AGRN: variants seen among roughly 807,000 people sequenced by gnomAD.
AGRN encodes agrin.
Under a neutral mutation model 211.0 loss-of-function variants are expected in AGRN, and 106 were observed. The ratio of observed to expected loss-of-function variants is 0.50; its 90% CI spans 0.43 to 0.59. The LOEUF (loss-of-function observed/expected upper bound fraction) is 0.59. AGRN is among the 20% of genes least tolerant of loss of function. AGRN has a pLI of 0.00. For missense variants in AGRN, 3,040 were observed against 2,982.6 expected, an observed-to-expected ratio of 1.02 and a Z score of -0.45; for synonymous variants, 1,525 against 1,332.5, an observed-to-expected ratio of 1.14 and a Z score of -3.15.
intron 3 of AGRN, 37 bp downstream of exon 3, chr1:1,035,361 G>A: frequency 6.2e-7 from 1 of 1,611,864 alleles, no homozygotes. Flanking sequence ...TGGATGGGCT[G>A]TGGCACTCTT....
intron 33 of AGRN, chr1:1,052,115 C>T: frequency 7.4e-7 from 1 of 1,353,302 alleles, no homozygotes; most frequent in South Asian, 1.2e-5. Context: ...CTTTCCATCC[C>T]TTGTGGCGGA....
intron 2 of AGRN, 75 bp downstream of exon 2, chr1:1,022,537 G>T (rs571545860): frequency 5.3e-6 from 8 of 1,499,082 alleles, no homozygotes; most frequent in Non-Finnish European, 7.2e-6. Flanking sequence ...TGCAGGGGTC[G>T]CTGTGCGGGG....
intron 22 of AGRN, 36 bp from the exon 23 acceptor site, chr1:1,047,976 C>G: frequency 6.4e-7 from 1 of 1,570,372 alleles, no homozygotes; most frequent in South Asian, 1.2e-5. Flanking sequence ...CCTGGCCCTG[C>G]TCCCAGGAAA....
chr1:1,045,867 T>G lies in AGRN; in HGVS notation c.2671T>G (p.Cys891Gly). The G allele has an allele frequency of 1.2e-6, 2 of 1,610,866 alleles. No individual in the cohort carries two copies. Among genetic ancestry groups the G allele is most frequent in the East Asian group, 2.2e-5 (1 of 44,862 alleles). Residue 891 changes from cysteine (C) to glycine (G), a missense_variant, in exon 15 of 36, where the codon TGT (cysteine) becomes GGT (glycine). Cys to Gly is a radical substitution (Grantham distance 159). Transcript: ENST00000379370. ...PDGRALGPAGCEADASAPATC... is the reference protein window; with the variant it reads ...PDGRALGPAGGEADASAPATC... ...CGGCCGTGCCCTGGGCCCCGCGGGC[T>G]GTGAAGCTGGTGAGTGAGGGCCAGC...
At chr1:1,045,706 C>T (rs760055446) in intron 14 of AGRN, 27 bp from the exon 15 acceptor site, 61 of 1,613,058 alleles carry the variant, frequency 3.8e-5, no homozygotes, top group Admixed American at 8.3e-5. Context: ...GTGCGGACAT[C>T]ACGTTCCTCC....
In AGRN at chr1:1,054,514, C is replaced by T. The variant is rs139571561; in HGVS notation, c.5943C>T (p.Gly1981=). 2.0e-5 allele frequency: 32 copies of T among 1,602,772 alleles called. No individual in the cohort carries two copies. The highest frequency in any genetic ancestry group is 1.1e-4 in the South Asian group (10 of 88,994). Residue 1981 remains glycine, a synonymous_variant, in exon 35 of 36, where the codon GGC becomes GGT. Coordinates refer to ENST00000379370, the MANE Select transcript of AGRN (RefSeq NM_198576.4). ...CTGTGACCGGCTCCTCCCCGCTGGG[C>T]GCCACGCAGCTGGACACTGATGGAG... ...EAPVTGSSPL[G]ATQLDTDGAL... is the part of the protein sequence containing the mutation.
Position 1,022,318 on chromosome 1 carries a change from G to A in AGRN, c.319G>A (p.Val107Met), listed in dbSNP as rs200974261. ...AGACCCCCTCATCTGTGACAACCAG[G>A]TGTCCACTGGGGACACCAGGATCTT... is the stretch of plus-strand genomic sequence containing the variant. Reference protein sequence around the residue: ...FGDPLICDNQVSTGDTRIFFV... With the variant: ...FGDPLICDNQMSTGDTRIFFV... Residue 107 changes from valine to methionine, a missense_variant, in exon 2 of 36, where the codon GTG (valine) becomes ATG (methionine). Physicochemically the swap from Val to Met is conservative, Grantham distance 21. This residue lies in a region of AGRN where 1,498 missense variants were observed against 1,457.8 expected (regional missense o/e 1.03). Coordinates refer to ENST00000379370, the MANE Select transcript of AGRN (RefSeq NM_198576.4). The A allele has an allele frequency of 3.1e-6, 5 of 1,613,386 alleles. No homozygotes were observed. The highest frequency in any genetic ancestry group is 3.4e-6 in the Non-Finnish European group (4 of 1,180,018).
At chr1:1,053,415 C>T (rs1185951683) in intron 33 of AGRN, 4 of 1,363,952 alleles carry the variant, frequency 2.9e-6, no homozygotes, top group African/African-American at 2.9e-5. Context: ...TGCATTGGCC[C>T]CGCCTGTCCC....
rs1644696626 is a variant in AGRN at position 1,032,587 on chromosome 1, C to T, written c.464-2690C>T. Among the ~76,000 whole-genome samples the T allele has an allele frequency of 6.6e-6, 1 of 152,102 alleles. No individual in the cohort carries two copies. Among genetic ancestry groups the T allele is most frequent in the African/African-American group, 2.4e-5 (1 of 41,402 alleles). On this transcript the variant is annotated intron_variant, in intron 2 of 35. Transcript: ENST00000379370. This position sits in a 1 kb window ranked among gnomAD's most constrained non-coding sequence, Gnocchi z 4.7. Reference sequence around the variant, plus strand: ...CTGAGGTGAGGCCTGGGTGTGACCACGCGGTGGCACTGGTGGCTGCCGGCA... The same window carrying T: ...CTGAGGTGAGGCCTGGGTGTGACCATGCGGTGGCACTGGTGGCTGCCGGCA...
At chr1:1,052,634 C>G (rs1645335426) in intron 33 of AGRN, 1 of 155,464 alleles carries the variant, frequency 6.4e-6, no homozygotes, top group African/African-American at 2.9e-5. Context: ...GTGAGGGAGA[C>G]ATGCATGTGT....
At chr1:1,035,852 G>C (rs934082220) in intron 3 of AGRN, among the ~76,000 whole-genome samples, 1 of 151,808 alleles carries the variant, frequency 6.6e-6, no homozygotes, top group Non-Finnish European at 1.5e-5. Flanking sequence ...GGACACAAGT[G>C]ATGGAGGGGG....
Position 1,048,230 on chromosome 1 carries a change from C to A in AGRN, c.3970C>A (p.Pro1324Thr). ...CAGCCGTGTGCCCGGACGTCGGCCC[C>A]CGGCCCCCCAGCAGCCTCCAAAGCC... ...APSRVPGRRP[P>T]APQQPPKPCD... is the part of the protein sequence containing the mutation. Residue 1324 changes from proline (P) to threonine (T), a missense_variant, in exon 23 of 36, where the codon CCG becomes ACG. This residue lies in a region of AGRN where 1,537 missense variants were observed against 1,505.0 expected (regional missense o/e 1.02). Coordinates refer to ENST00000379370, the MANE Select transcript of AGRN (RefSeq NM_198576.4). The surrounding 1 kb of genome is among the most constrained non-coding windows in gnomAD (Gnocchi z 5.9). The A allele has an allele frequency of 6.5e-7, 1 of 1,546,412 alleles. No individual in the cohort carries two copies. The highest frequency in any genetic ancestry group is 1.9e-5 in the Admixed American group (1 of 51,800).
In AGRN at chr1:1,046,929, G is replaced by A. The variant is rs772110038; in HGVS notation, c.3360G>A (p.Ser1120=). ...GCTGCTCTGATGGGAAGACGCCCTC[G>A]CTGGACGCAGAGGGCTCCAACTGCC... The part of the protein sequence containing the change: ...LGCCSDGKTP[S]LDAEGSNCPA... The change falls in exon 19 of 36, where the codon TCG becomes TCA. Residue 1120 remains serine, a synonymous_variant. Coordinates refer to ENST00000379370, the MANE Select transcript of AGRN (RefSeq NM_198576.4). 1.6e-5 allele frequency: 26 copies of A among 1,579,564 alleles called. No individual in the cohort carries two copies. Among genetic ancestry groups the A allele is most frequent in the African/African-American group, 4.0e-5 (3 of 74,412 alleles).
At position 1,041,970 on chromosome 1, in the gene AGRN, C is replaced by T. The variant is rs138165746; in HGVS notation, c.1192C>T (p.Pro398Ser). Residue 398 changes from proline (P) to serine (S), a missense_variant, in exon 7 of 36, where the codon CCC (proline) becomes TCC (serine). Physicochemically the swap from Pro to Ser is moderately conservative, Grantham distance 74. Transcript: ENST00000379370. ...CTGCGTCCTAGACCAGTGCCCGGAG[C>T]CCTGCCGGTTCAATGCCGTGTGCCT... ...QCQGRDQCPE[P>S]CRFNAVCLSR... The T allele has an allele frequency of 1.9e-6, 3 of 1,611,856 alleles. No homozygotes were observed. The highest frequency in any genetic ancestry group is 2.2e-5 in the East Asian group (1 of 44,854).
intron 3 of AGRN, among the ~76,000 whole-genome samples, chr1:1,039,321 C>G (rs1232061229): frequency 6.6e-6 from 1 of 151,434 alleles, no homozygotes; most frequent in African/African-American, 2.4e-5. Context: ...GGGGCAGGGA[C>G]ACCCAGACAG....
At chr1:1,052,649 C>CTG (rs1645336470) in intron 33 of AGRN, 3 of 151,794 alleles carry the variant, frequency 2.0e-5, no homozygotes, top group Non-Finnish European at 3.9e-5. Flanking sequence ...ATGTGTGTGT[C>CTG]CGTGTGTGTG....
At chr1:1,050,357 G>A in intron 28 of AGRN, 28 bp downstream of exon 28, 1 of 1,612,696 alleles carries the variant, frequency 6.2e-7, no homozygotes, top group Non-Finnish European at 8.5e-7. Flanking sequence ...AGGGGGAAGG[G>A]CCGGCCCCCA....
chr1:1,034,479 C>A, intron 2 of AGRN: 4 of 985,774 alleles, frequency 4.1e-6, no homozygotes, highest in South Asian at 4.7e-5. Flanking sequence ...GGGCGAGCAG[C>A]CCTGAAGAGG....
In AGRN at chr1:1,050,241, C is replaced by T; in HGVS notation, c.4888C>T (p.Gln1630Ter). 6.2e-7 allele frequency: 1 copy of T among 1,613,132 alleles called. No individual in the cohort carries two copies. The highest frequency in any genetic ancestry group is 8.5e-7 in the Non-Finnish European group (1 of 1,179,944). Residue 1630 changes from glutamine to a stop codon, truncating the protein, a stop_gained, in exon 28 of 36, where the codon CAG becomes TAG. Coordinates refer to ENST00000379370, the MANE Select transcript of AGRN (RefSeq NM_198576.4). LOFTEE classifies it high-confidence loss of function. ...GGTGACTCTCCCTACAGCCTCGGGGCAGGACGGCTCTGGGCCCTTCCTGGC... is the reference window on the plus strand; with the variant it reads ...GGTGACTCTCCCTACAGCCTCGGGGTAGGACGGCTCTGGGCCCTTCCTGGC... ...EGTFCQTASG[Q>*]DGSGPFLADF... is the part of the protein sequence containing the mutation.
Sources: allele counts gnomAD v4.1 joint callset (sites outside exome capture counted in the v4.1 genomes callset), GRCh38; gene constraint gnomAD v4.1.1; regional missense constraint gnomAD v4.1.1; non-coding constraint Gnocchi (gnomAD v3.1); transcripts MANE v1.5; gene names NCBI Gene and HGNC (gene_info 2026-07-23, HGNC 2026-07-21).